The following ELSPBP1 variants were observed in gnomAD, a reference collection of about 807,000 sequenced individuals.
ELSPBP1 encodes the protein epididymal sperm binding protein 1, also known as epididymal sperm-binding protein 1.
In ELSPBP1, 38 loss-of-function variants were observed where a neutral mutation model predicts 33.3. The ratio of observed to expected loss-of-function variants is 1.14; its 90% CI spans 0.88 to 1.50. ELSPBP1 has a LOEUF of 1.50. Among genes scored for constraint, ELSPBP1 ranks in the 40% most tolerant of loss-of-function variants. The pLI, the probability that ELSPBP1 is intolerant of heterozygous loss-of-function variation, is 0.00. For missense variants in ELSPBP1, 267 were observed against 263.5 expected, an observed-to-expected ratio of 1.01 and a Z score of -0.09; for synonymous variants, 85 against 94.1, an observed-to-expected ratio of 0.90 and a Z score of 0.56.
intron 1 of ELSPBP1, among the ~76,000 whole-genome samples, chr19:48,000,259 G>T (rs758432701): frequency 1.7e-4 from 23 of 135,380 alleles, no homozygotes; most frequent in Non-Finnish European, 3.1e-4. Flanking sequence ...CATAGATGGA[G>T]TCTCACTCTG....
chr19:48,001,175 GT>G (rs58448046), intron 1 of ELSPBP1, among the ~76,000 whole-genome samples: 165 of 142,678 alleles, frequency 1.2e-3, no homozygotes, highest in Non-Finnish European at 1.0e-3. Context: ...CTCTCTCTCT[GT>G]TTTTTTTTTT....
chr19:47,998,141 C>A (rs1966928524), intron 1 of ELSPBP1, among the ~76,000 whole-genome samples: 1 of 152,186 alleles, frequency 6.6e-6, no homozygotes, highest in East Asian at 1.9e-4. Flanking sequence ...GGCCTGGGCG[C>A]GGTAGCTCAA....
At chr19:48,004,046 C>T (rs566800338) in intron 1 of ELSPBP1, among the ~76,000 whole-genome samples, 14 of 151,338 alleles carry the variant, frequency 9.3e-5, no homozygotes, top group Admixed American at 6.0e-4. Context: ...TGGGTTCAAG[C>T]GATTTTCCTG....
intron 5 of ELSPBP1, 104 bp from the exon 6 acceptor site, chr19:48,022,066 C>T (rs1967206580): frequency 9.2e-7 from 1 of 1,086,564 alleles, no homozygotes; most frequent in African/African-American, 1.6e-5. Flanking sequence ...CGAACCACCA[C>T]ACTCAGCCCC....
At chr19:47,998,464 A>G (rs1231351299) in intron 1 of ELSPBP1, among the ~76,000 whole-genome samples, 8 of 151,868 alleles carry the variant, frequency 5.3e-5, no homozygotes, top group Non-Finnish European at 2.9e-5. Context: ...GGATTGGGCT[A>G]ATGAGCCCGG....
intron 6 of ELSPBP1, among the ~76,000 whole-genome samples, chr19:48,023,262 G>A (rs1467516381): frequency 1.5e-5 from 2 of 137,500 alleles, no homozygotes; most frequent in Non-Finnish European, 3.1e-5. Context: ...GAGGTAGAGA[G>A]AGGGAGGAAA....
chr19:48,022,424 T>C, intron 6 of ELSPBP1, 90 bp downstream of exon 6: 1 of 1,218,716 alleles, frequency 8.2e-7, no homozygotes, highest in South Asian at 1.8e-5. Context: ...AGGCGAGATC[T>C]GCTTTTTCAA....
chr19:48,003,949 CTAT>C (rs1966993027), intron 1 of ELSPBP1, among the ~76,000 whole-genome samples: 1 of 91,044 alleles, frequency 1.1e-5, no homozygotes, highest in Non-Finnish European at 2.4e-5. Context: ...CTATTCTATT[CTAT>C]TCTATTCTTT....
intron 1 of ELSPBP1, among the ~76,000 whole-genome samples, chr19:48,006,621 C>CAAAAAA (rs1190341508): frequency 4.8e-4 from 10 of 20,830 alleles, no homozygotes; most frequent in East Asian, 1.2e-3. Context: ...GACCCTGTCT[C>CAAAAAA]AAAAAAAAAA....
At chr19:48,022,132 G>C in intron 5 of ELSPBP1, 38 bp from the exon 6 acceptor site, 1 of 1,585,896 alleles carries the variant, frequency 6.3e-7, no homozygotes, top group Non-Finnish European at 8.6e-7. Flanking sequence ...TGTGAAGCCT[G>C]AGGAGTAACC....
chr19:48,005,024 T>A lies in ELSPBP1; in HGVS notation c.-17-3627T>A, dbSNP rs564326085. ...CCAGCCTGGGCAACATAGCAAGACCTCGTCTCTACAAACAATAATAATAGT... is the reference window on the plus strand; with the variant it reads ...CCAGCCTGGGCAACATAGCAAGACCACGTCTCTACAAACAATAATAATAGT... On this transcript the variant is annotated intron_variant, in intron 1 of 6. Coordinates refer to ENST00000339841, the MANE Select transcript of ELSPBP1 (RefSeq NM_022142.5). Among the ~76,000 whole-genome samples, 558 of 152,108 alleles carry A rather than the reference T, an allele frequency of 3.7e-3. 4 individuals carry two copies. Among genetic ancestry groups the A allele is most frequent in the African/African-American group, 0.013 (523 of 41,508 alleles).
intron 1 of ELSPBP1, among the ~76,000 whole-genome samples, chr19:48,001,869 A>C (rs1377641638): frequency 6.6e-6 from 1 of 151,716 alleles, no homozygotes; most frequent in African/African-American, 2.4e-5. Flanking sequence ...TTTAATTTTA[A>C]GATTTTTTGT....
rs1163003838 is a variant in ELSPBP1 at position 48,019,801 on chromosome 19, T to G, written c.438T>G (p.Asp146Glu). 5.0e-6 allele frequency: 8 copies of G among 1,613,844 alleles called. No homozygotes were observed. Among genetic ancestry groups the G allele is most frequent in the Admixed American group, 1.7e-5 (1 of 59,962 alleles). ...ATGTGGTCTCTGATTGCATGGAGGA[T>G]GAAAGCAACAAGCTCTGGTGCCCAA... Reference protein sequence around the residue: ...RNNVVSDCMEDESNKLWCPTT... With the variant: ...RNNVVSDCMEEESNKLWCPTT... The change falls in exon 5 of 7, where the codon GAT becomes GAG. Residue 146 changes from aspartate to glutamate, a missense_variant. Asp to Glu is a conservative substitution (Grantham distance 45). Coordinates refer to ENST00000339841, the MANE Select transcript of ELSPBP1 (RefSeq NM_022142.5).
intron 1 of ELSPBP1, among the ~76,000 whole-genome samples, chr19:47,997,962 C>A (rs1251348204): frequency 6.6e-6 from 1 of 152,172 alleles, no homozygotes; most frequent in Non-Finnish European, 1.5e-5. Flanking sequence ...TTCTCACATG[C>A]CCGCTCAGGA....
chr19:48,012,351 G>C (rs942940731), intron 2 of ELSPBP1, among the ~76,000 whole-genome samples: 20 of 151,872 alleles, frequency 1.3e-4, no homozygotes, highest in African/African-American at 4.6e-4. Context: ...GGCGGGTCTT[G>C]AAGCGATCCG....
intron 4 of ELSPBP1, among the ~76,000 whole-genome samples, chr19:48,018,533 A>T (rs773985704): frequency 6.6e-6 from 1 of 152,170 alleles, no homozygotes; most frequent in African/African-American, 2.4e-5. Context: ...TTTAATAAGC[A>T]TTTTCTATGT....
intron 3 of ELSPBP1, 146 bp from the exon 4 acceptor site, chr19:48,015,747 A>T: frequency 3.0e-6 from 2 of 665,608 alleles, no homozygotes; most frequent in Non-Finnish European, 4.8e-6. Context: ...TATATGGCAT[A>T]GGCAAATGCT....
intron 1 of ELSPBP1, among the ~76,000 whole-genome samples, chr19:48,005,478 T>C (rs944668548): frequency 6.6e-6 from 1 of 152,050 alleles, no homozygotes; most frequent in Non-Finnish European, 1.5e-5. Context: ...ACTCAGGTGG[T>C]TGAGAAGAAC....
rs775178888 is a variant in ELSPBP1, at chr19:48,014,241, T to G, written c.141T>G (p.His47Gln). ...TTTACTTCACTTGCACCCATATTCATAGCTTATCCCCTTGGTGTGCCACCA... is the reference window on the plus strand; with the variant it reads ...TTTACTTCACTTGCACCCATATTCAGAGCTTATCCCCTTGGTGTGCCACCA... ...GSVYFTCTHI[H>Q]SLSPWCATRA... Residue 47 changes from histidine to glutamine, a missense_variant, in exon 3 of 7, where the codon CAT (histidine) becomes CAG (glutamine). Transcript: ENST00000339841. The G allele has an allele frequency of 4.3e-6, 7 of 1,614,042 alleles. No homozygotes were observed. In the South Asian group the frequency reaches 7.7e-5, roughly 18 times the overall value.
Sources: gnomAD v4.1 joint callset for allele counts (sites outside exome capture counted in the v4.1 genomes callset) on GRCh38, gnomAD v4.1.1 for gene constraint, MANE v1.5 for transcripts, NCBI Gene and HGNC (gene_info 2026-07-23, HGNC 2026-07-21) for gene names.